The following ZFPM2 variants were observed in gnomAD, a reference collection of about 807,000 sequenced individuals.
ZFPM2 encodes zinc finger protein ZFPM2.
ZFPM2 carries 20 observed loss-of-function variants against 98.6 expected under a neutral mutation model. That is an observed-to-expected ratio of 0.20 (90% confidence interval 0.14 to 0.29). ZFPM2 has a LOEUF of 0.29. Ranked by LOEUF, ZFPM2 falls within the 10% of genes least tolerant of loss-of-function variation. ZFPM2 has a pLI of 1.00. For missense variants in ZFPM2, 1,310 were observed against 1,388.6 expected (o/e 0.94, Z 0.90); for synonymous variants, 518 against 502.7 (o/e 1.03, Z -0.41).
chr8:105,675,042 G>A (rs958353300), intron 5 of ZFPM2, among the ~76,000 whole-genome samples: 8 of 152,172 alleles, frequency 5.3e-5, no homozygotes, highest in Non-Finnish European at 1.0e-4. Context: ...ACAAGGTCAT[G>A]AACTCAAGTG....
At chr8:105,608,233 G>T (rs1816234960) in intron 4 of ZFPM2, among the ~76,000 whole-genome samples, 1 of 152,066 alleles carries the variant, frequency 6.6e-6, no homozygotes, top group South Asian at 2.1e-4. Context: ...TGGGTACGGG[G>T]CTTAGTAACT....
At chr8:105,581,785 G>C (rs1815606468) in intron 4 of ZFPM2, among the ~76,000 whole-genome samples, 1 of 152,098 alleles carries the variant, frequency 6.6e-6, no homozygotes. Flanking sequence ...TCACCACCTT[G>C]TTTTATCTCA....
chr8:105,461,634 G>A (rs1348970600), intron 3 of ZFPM2, among the ~76,000 whole-genome samples: 1 of 152,120 alleles, frequency 6.6e-6, no homozygotes, highest in Non-Finnish European at 1.5e-5. Context: ...TTTTGGAAAT[G>A]CTTCCTCTTC....
At position 105,803,091 on chromosome 8, in the gene ZFPM2, C is replaced by T; in HGVS notation, c.3009C>T (p.Asp1003=). 1.2e-6 allele frequency: 2 copies of T among 1,613,900 alleles called. No individual in the cohort carries two copies. Among genetic ancestry groups the T allele is most frequent in the East Asian group, 2.2e-5 (1 of 44,858 alleles). ...GTTCTCTTGTCATCCATAACACTGACATCGAGCAAAGCAGAAATGCAGAAA... is the reference window on the plus strand; with the variant it reads ...GTTCTCTTGTCATCCATAACACTGATATCGAGCAAAGCAGAAATGCAGAAA... ...ISGSLVIHNT[D]IEQSRNAENE... Residue 1003 remains aspartate (D), a synonymous_variant, in exon 8 of 8, where the codon GAC becomes GAT. Transcript: ENST00000407775.
At chr8:105,565,466 C>T (rs957075051) in intron 4 of ZFPM2, among the ~76,000 whole-genome samples, 4 of 152,112 alleles carry the variant, frequency 2.6e-5, no homozygotes, top group African/African-American at 9.7e-5. Context: ...ATCATATTTA[C>T]TTCTTACACA....
intron 1 of ZFPM2, among the ~76,000 whole-genome samples, chr8:105,366,501 T>C (rs866043037): frequency 6.6e-6 from 1 of 150,408 alleles, no homozygotes; most frequent in African/African-American, 2.5e-5. Flanking sequence ...TTTTTTTAAT[T>C]TTTTTCATTT....
At chr8:105,408,650 G>C (rs1427591577) in intron 1 of ZFPM2, among the ~76,000 whole-genome samples, 1 of 151,668 alleles carries the variant, frequency 6.6e-6, no homozygotes, top group South Asian at 2.1e-4. Context: ...ACAATATGCG[G>C]GATCTACAAC....
At chr8:105,791,574 G>A (rs571653326) in intron 6 of ZFPM2, among the ~76,000 whole-genome samples, 273 of 152,216 alleles carry the variant, frequency 1.8e-3, no homozygotes, top group Non-Finnish European at 3.2e-3. Context: ...ATCTCTGCCC[G>A]GCTTTGGTAT....
chr8:105,384,433 ATC>A (rs1325202122), intron 1 of ZFPM2, among the ~76,000 whole-genome samples: 2 of 152,100 alleles, frequency 1.3e-5, no homozygotes, highest in Non-Finnish European at 2.9e-5. Flanking sequence ...GAGGTGGATT[ATC>A]CATAGAGTTC....
chr8:105,654,894 T>G (rs565625328), intron 5 of ZFPM2, among the ~76,000 whole-genome samples: 1 of 152,318 alleles, frequency 6.6e-6, no homozygotes, highest in African/African-American at 2.4e-5. Context: ...TTCACCCCAT[T>G]AAATAAAGTC....
chr8:105,324,252 A>G (rs982465424), intron 1 of ZFPM2, among the ~76,000 whole-genome samples: 4 of 151,870 alleles, frequency 2.6e-5, no homozygotes, highest in Non-Finnish European at 4.4e-5. Flanking sequence ...GTCATTGATT[A>G]TATCAATTGT....
At chr8:105,676,548 C>T (rs1162280124) in intron 5 of ZFPM2, among the ~76,000 whole-genome samples, 1 of 151,934 alleles carries the variant, frequency 6.6e-6, no homozygotes, top group Non-Finnish European at 1.5e-5. Context: ...GCATTCTTTT[C>T]ATCTGTTTTG....
intron 5 of ZFPM2, among the ~76,000 whole-genome samples, chr8:105,712,507 A>T (rs755472557): frequency 6.6e-6 from 1 of 150,782 alleles, no homozygotes; most frequent in African/African-American, 2.4e-5. Context: ...ACCAGCTTGT[A>T]AGAGCCAGTC....
chr8:105,774,273 A>C (rs1813048067), intron 5 of ZFPM2, among the ~76,000 whole-genome samples: 1 of 152,178 alleles, frequency 6.6e-6, no homozygotes, highest in South Asian at 2.1e-4. Context: ...ATTGTAAAGA[A>C]AAATAATTAC....
chr8:105,455,130 G>T (rs1432089565), intron 3 of ZFPM2, among the ~76,000 whole-genome samples: 1 of 152,062 alleles, frequency 6.6e-6, no homozygotes, highest in African/African-American at 2.4e-5. Context: ...TTTCTGGTTT[G>T]GGATGCTCAA....
intron 5 of ZFPM2, chr8:105,787,390 GTC>G (rs1165731422): frequency 6.6e-6 from 1 of 152,178 alleles, no homozygotes. Flanking sequence ...GGGGTCTGTA[GTC>G]TTAACTTTAT....
chr8:105,612,633 A>G (rs1816329918), intron 4 of ZFPM2, among the ~76,000 whole-genome samples: 3 of 152,200 alleles, frequency 2.0e-5, no homozygotes, highest in Admixed American at 6.5e-5. Flanking sequence ...GACCAAAAAC[A>G]AGCTATAAAT....
intron 3 of ZFPM2, among the ~76,000 whole-genome samples, chr8:105,555,058 T>C (rs1323826144): frequency 2.0e-5 from 3 of 152,080 alleles, no homozygotes; most frequent in Non-Finnish European, 4.4e-5. Context: ...GTGGGATGTT[T>C]GGTAGTGATT....
chr8:105,655,101 C>G (rs1030955947), intron 5 of ZFPM2, among the ~76,000 whole-genome samples: 1 of 151,718 alleles, frequency 6.6e-6, no homozygotes, highest in Non-Finnish European at 1.5e-5. Context: ...CCATAAAATT[C>G]TCCTTGTTGA....
Sources: allele counts gnomAD v4.1 joint callset (sites outside exome capture counted in the v4.1 genomes callset), GRCh38; gene constraint gnomAD v4.1.1; transcripts MANE v1.5; gene names NCBI Gene and HGNC (gene_info 2026-07-23, HGNC 2026-07-21).